The following PCYT1A variants were observed in gnomAD, a reference collection of about 807,000 sequenced individuals.
The protein encoded by PCYT1A is phosphate cytidylyltransferase 1A, choline.
A neutral mutation model predicts 43.7 loss-of-function variants in PCYT1A; 25 were observed. The ratio of observed to expected loss-of-function variants is 0.57; its 90% CI spans 0.42 to 0.80. The LOEUF is 0.80. Among genes scored for constraint, PCYT1A ranks in the 30% least tolerant of loss-of-function variants. The pLI is 0.00. For missense variants in PCYT1A, 421 were observed against 474.2 expected (o/e 0.89, Z 1.04); for synonymous variants, 172 against 170.7 (o/e 1.01, Z -0.06).
chr3:196,248,910 C>G (rs939183441), intron 3 of PCYT1A, among the ~76,000 whole-genome samples: 3 of 151,972 alleles, frequency 2.0e-5, no homozygotes, highest in Admixed American at 6.6e-5. Flanking sequence ...GCGCCCACCA[C>G]CAAGCCCAGC....
rs1725629440 is a variant in PCYT1A at position 196,277,687 on chromosome 3, A to G, written c.-10-7146T>C. Among the ~76,000 whole-genome samples the G allele has an allele frequency of 6.6e-6, 1 of 152,156 alleles. No individual in the cohort carries two copies. Among genetic ancestry groups the G allele is most frequent in the Non-Finnish European group, 1.5e-5 (1 of 68,030 alleles). On this transcript the variant is annotated intron_variant, in intron 1 of 8. Transcript: ENST00000431016. This position sits in a 1 kb window ranked among gnomAD's most constrained non-coding sequence, Gnocchi z 4.1. ...GGAGTTCGCAACCAGCCTGGCCAAC[A>G]TGGTGAAACCCCATCTCTACTAAAA...
At chr3:196,278,077 C>T (rs1372516777) in intron 1 of PCYT1A, among the ~76,000 whole-genome samples, 2 of 152,130 alleles carry the variant, frequency 1.3e-5, no homozygotes, top group Non-Finnish European at 2.9e-5. Flanking sequence ...TAGATGCTTG[C>T]CCGGACACAT....
At chr3:196,286,550 A>G (rs895447009) in intron 1 of PCYT1A, among the ~76,000 whole-genome samples, 1 of 152,238 alleles carries the variant, frequency 6.6e-6, no homozygotes, top group Non-Finnish European at 1.5e-5. Context: ...AACAAATCAC[A>G]TGAAACAATA....
At chr3:196,243,514 C>CCCCTCTCCCCTCT (rs1240206136) in intron 5 of PCYT1A, among the ~76,000 whole-genome samples, 3 of 151,230 alleles carry the variant, frequency 2.0e-5, no homozygotes, top group Admixed American at 1.3e-4. Context: ...TCTCCCTTCT[C>CCCCTCTCCCCTCT]CCCTCTCCCC....
At chr3:196,286,441 G>A (rs146854332) in intron 1 of PCYT1A, among the ~76,000 whole-genome samples, 2 of 152,104 alleles carry the variant, frequency 1.3e-5, no homozygotes, top group East Asian at 1.9e-4. Flanking sequence ...GAAATCATCC[G>A]GTCCAATGTT....
At chr3:196,261,464 G>A (rs1371989064) in intron 2 of PCYT1A, among the ~76,000 whole-genome samples, 4 of 152,098 alleles carry the variant, frequency 2.6e-5, no homozygotes, top group Non-Finnish European at 5.9e-5. Flanking sequence ...AGACCATCCT[G>A]ACTAACACGG....
rs1255555469 is a variant in PCYT1A, at chr3:196,242,318, A to G, written c.566-228T>C. The G allele has an allele frequency of 9.2e-6, 6 of 650,408 alleles. No individual in the cohort carries two copies. The highest frequency in any genetic ancestry group is 2.4e-5 in the Admixed American group (1 of 41,014). 40.3% of individuals were successfully genotyped at this position (650,408 alleles called of 1,614,324 possible). The stretch of plus-strand genomic sequence containing the variant: ...CCTAATATTAAGAAAAATATGAGAA[A>G]GGGTTTCCTGAAATTAAGAGAGATA... On this transcript the variant is annotated intron_variant, in intron 6 of 8. Coordinates refer to ENST00000431016, the MANE Select transcript of PCYT1A (RefSeq NM_001312673.2). The surrounding 1 kb of genome is among the most constrained non-coding windows in gnomAD (Gnocchi z 4.2).
rs1440956321 is a variant in PCYT1A at position 196,247,574 on chromosome 3, C to T, written c.335-56G>A. ...GAGTCCTCTTTGCTTAGCACCTCCT[C>T]AGCCACCGACCTCTCCCATCTTCTC... On this transcript the variant is annotated intron_variant, in intron 4 of 8. Transcript: ENST00000431016. The surrounding 1 kb of genome is among the most constrained non-coding windows in gnomAD (Gnocchi z 4.8). The T allele has an allele frequency of 6.6e-7, 1 of 1,520,112 alleles. No homozygotes were observed. Among genetic ancestry groups the T allele is most frequent in the South Asian group, 1.1e-5 (1 of 88,912 alleles). The allele number at this position is 1,520,112 out of a possible 1,614,324, so 94.2% of individuals were successfully genotyped here. A position where few individuals can be genotyped will look rare whatever the true frequency, so the allele number is the denominator to read the frequency against.
Position 196,242,441 on chromosome 3 carries a change from G to A in PCYT1A, c.565+121C>T. 1.3e-6 allele frequency: 1 copy of A among 773,602 alleles called. No individual in the cohort carries two copies. The highest frequency in any genetic ancestry group is 2.4e-6 in the Non-Finnish European group (1 of 423,622). The allele number at this position is 773,602 out of a possible 1,614,324, so 47.9% of individuals were successfully genotyped here. A position where few individuals can be genotyped will look rare whatever the true frequency, so the allele number is the denominator to read the frequency against. ...CTCATCTTTACCTTTTATCCAAAAT[G>A]TGGCCTGAAAGAGGATGTTGAATTT... On this transcript the variant is annotated intron_variant, in intron 6 of 8. Transcript: ENST00000431016. This position sits in a 1 kb window ranked among gnomAD's most constrained non-coding sequence, Gnocchi z 4.2.
At chr3:196,244,365 G>A (rs1345121286) in intron 5 of PCYT1A, among the ~76,000 whole-genome samples, 39 of 148,338 alleles carry the variant, frequency 2.6e-4, no homozygotes, top group African/African-American at 9.2e-4. Context: ...AGTGAGGAGC[G>A]TCTCTGCCCG....
intron 1 of PCYT1A, among the ~76,000 whole-genome samples, chr3:196,271,004 G>C (rs1725414374): frequency 6.6e-6 from 1 of 152,080 alleles, no homozygotes; most frequent in African/African-American, 2.4e-5. Context: ...CCAAGTCCTG[G>C]ATTAACAAAA....
rs1279855117 is a variant in PCYT1A, at chr3:196,252,972, A to G, written c.218-4649T>C. Among the ~76,000 whole-genome samples the G allele has an allele frequency of 3.3e-5, 5 of 152,208 alleles. No homozygotes were observed. Among genetic ancestry groups the G allele is most frequent in the Non-Finnish European group, 7.3e-5 (5 of 68,030 alleles). ...ACAAAGCAAAATAAAACAAAATTTG[A>G]GCATATAATCCCCCTTCTATGTCCC... On this transcript the variant is annotated intron_variant, in intron 3 of 8. Coordinates refer to ENST00000431016, the MANE Select transcript of PCYT1A (RefSeq NM_001312673.2). The surrounding 1 kb of genome is among the most constrained non-coding windows in gnomAD (Gnocchi z 4.0).
Position 196,282,705 on chromosome 3 carries a change from C to T in PCYT1A, c.-11+4910G>A, listed in dbSNP as rs1725801807. ...AAAAAGGAACTCTAAAAGCTTTCAC[C>T]ACACTGCCAAAGGAGTCCATAACAC... On this transcript the variant is annotated intron_variant, in intron 1 of 8. Coordinates refer to ENST00000431016, the MANE Select transcript of PCYT1A (RefSeq NM_001312673.2). This position sits in a 1 kb window ranked among gnomAD's most constrained non-coding sequence, Gnocchi z 4.3. Among the ~76,000 whole-genome samples the T allele has an allele frequency of 6.6e-6, 1 of 152,000 alleles. No homozygotes were observed. The highest frequency in any genetic ancestry group is 1.5e-5 in the Non-Finnish European group (1 of 68,016).
chr3:196,262,025 A>AT (rs537330700), intron 2 of PCYT1A, among the ~76,000 whole-genome samples: 1 of 152,102 alleles, frequency 6.6e-6, no homozygotes, highest in Non-Finnish European at 1.5e-5. Context: ...AAAAGGTAGT[A>AT]TTTTTTTAAA....
intron 5 of PCYT1A, among the ~76,000 whole-genome samples, chr3:196,243,798 G>C (rs541607436): frequency 6.6e-6 from 1 of 152,388 alleles, no homozygotes; most frequent in South Asian, 2.1e-4. Flanking sequence ...GGCCTCCCGA[G>C]GTGCCGGGAT....
intron 3 of PCYT1A, among the ~76,000 whole-genome samples, chr3:196,250,317 T>A (rs1357748245): frequency 6.9e-6 from 1 of 145,082 alleles, no homozygotes; most frequent in Admixed American, 6.9e-5. Flanking sequence ...AGGCTGAGGA[T>A]CAGATACACT....
Position 196,273,033 on chromosome 3 carries a change from C to T in PCYT1A, c.-10-2492G>A, listed in dbSNP as rs1308869291. Among the ~76,000 whole-genome samples the T allele has an allele frequency of 1.3e-5, 2 of 152,230 alleles. No individual in the cohort carries two copies. The highest frequency in any genetic ancestry group is 4.8e-5 in the African/African-American group (2 of 41,462). ...CAAGAGGTGCACAGGCGAGCCAGCACAGGGTCCGGCCACTGCGCACAGCCA... is the reference window on the plus strand; with the variant it reads ...CAAGAGGTGCACAGGCGAGCCAGCATAGGGTCCGGCCACTGCGCACAGCCA... On this transcript the variant is annotated intron_variant, in intron 1 of 8. Transcript: ENST00000431016. This position sits in a 1 kb window ranked among gnomAD's most constrained non-coding sequence, Gnocchi z 4.1.
intron 1 of PCYT1A, among the ~76,000 whole-genome samples, chr3:196,284,092 AG>A (rs1402251895): frequency 3.9e-5 from 6 of 152,228 alleles, no homozygotes; most frequent in Non-Finnish European, 7.3e-5. Flanking sequence ...TGATTCAGAA[AG>A]GGAAATTTCT....
intron 2 of PCYT1A, among the ~76,000 whole-genome samples, chr3:196,258,775 A>G (rs1454464033): frequency 6.6e-6 from 1 of 151,844 alleles, no homozygotes; most frequent in Non-Finnish European, 1.5e-5. Context: ...TCTTGTAGAG[A>G]CAAGGTCTCA....
Sources: allele counts gnomAD v4.1 joint callset (sites outside exome capture counted in the v4.1 genomes callset), GRCh38; gene constraint gnomAD v4.1.1; non-coding constraint Gnocchi (gnomAD v3.1); transcripts MANE v1.5; gene names NCBI Gene and HGNC (gene_info 2026-07-23, HGNC 2026-07-21).